The following CPLANE1 variants were observed in gnomAD, a reference collection of about 807,000 sequenced individuals.
The protein encoded by CPLANE1 is ciliogenesis and planar polarity effector 1.
Under a neutral mutation model 362.5 loss-of-function variants are expected in CPLANE1, and 263 were observed. The ratio of observed to expected loss-of-function variants is 0.73; its 90% CI spans 0.66 to 0.80. The LOEUF is 0.80. CPLANE1 is among the 30% of genes least tolerant of loss of function. The pLI, the probability that CPLANE1 is intolerant of heterozygous loss-of-function variation, is 0.00. For missense variants in CPLANE1, 3,461 were observed against 3,793.4 expected (o/e 0.91, Z 2.30); for synonymous variants, 1,212 against 1,302.6 (o/e 0.93, Z 1.50).
At chr5:37,240,539 G>A (rs1270612375) in intron 6 of CPLANE1, among the ~76,000 whole-genome samples, 2 of 152,020 alleles carry the variant, frequency 1.3e-5, no homozygotes, top group Admixed American at 1.3e-4. Context: ...GGAGATTCCA[G>A]GCTCTTTTAA....
At chr5:37,167,285 G>A (rs1778513663) in intron 34 of CPLANE1, 72 bp from the exon 35 acceptor site, 2 of 1,176,098 alleles carry the variant, frequency 1.7e-6, no homozygotes, top group Non-Finnish European at 2.4e-6. Context: ...ACAAAAGACT[G>A]AGGAAAAATA....
At chr5:37,083,253 C>T in the CPLANE1 span, among the ~76,000 whole-genome samples, 3 of 152,128 alleles carry the variant, frequency 2.0e-5, no homozygotes, top group Non-Finnish European at 4.4e-5. Flanking sequence ...AAGAGAACAC[C>T]CTGCAGGACA....
At chr5:37,200,362 A>T (rs1788793133) in intron 19 of CPLANE1, among the ~76,000 whole-genome samples, 1 of 152,252 alleles carries the variant, frequency 6.6e-6, no homozygotes, top group Admixed American at 6.5e-5. Flanking sequence ...TTATCTGCAC[A>T]GGCTATCCAA....
intron 30 of CPLANE1, among the ~76,000 whole-genome samples, chr5:37,177,419 T>C (rs529903290): frequency 2.6e-5 from 4 of 152,344 alleles, no homozygotes; most frequent in African/African-American, 9.6e-5. Context: ...ATTTTAGATA[T>C]CATTATTTAT....
the CPLANE1 span, among the ~76,000 whole-genome samples, chr5:37,079,833 C>G: frequency 4.4e-4 from 67 of 151,828 alleles, no homozygotes; most frequent in Admixed American, 5.2e-4. Flanking sequence ...TACAGAAAAG[C>G]AAAGCAAGAC....
intron 38 of CPLANE1, among the ~76,000 whole-genome samples, chr5:37,159,173 G>A (rs1341327095): frequency 1.1e-4 from 14 of 130,752 alleles, no homozygotes; most frequent in Admixed American, 9.6e-4. Flanking sequence ...CTGCAGTGGC[G>A]CAATCTCGGC....
At chr5:37,235,328 T>G (rs967491027) in intron 8 of CPLANE1, among the ~76,000 whole-genome samples, 1 of 152,016 alleles carries the variant, frequency 6.6e-6, no homozygotes, top group South Asian at 2.1e-4. Flanking sequence ...ATTATAATTA[T>G]AAAACGCTGA....
At chr5:37,108,493 G>A (rs770927793) in intron 51 of CPLANE1, 22 bp from the exon 52 acceptor site, 2 of 1,591,720 alleles carry the variant, frequency 1.3e-6, no homozygotes, top group South Asian at 1.1e-5. Context: ...TAAGAACAAA[G>A]CACACATTGG....
chr5:37,212,125 GGAT>G, intron 16 of CPLANE1: 1 of 979,954 alleles, frequency 1.0e-6, no homozygotes, highest in Non-Finnish European at 1.7e-6. Context: ...CAGGAAAGGA[GGAT>G]GACTGAAGAA....
At chr5:37,102,274 A>G (rs190144275), downstream of CPLANE1, among the ~76,000 whole-genome samples, 9 of 152,040 alleles carry the variant, frequency 5.9e-5, no homozygotes, top group African/African-American at 2.2e-4. Context: ...TGCACCCTCC[A>G]TCTCGCAGGT....
chr5:37,133,287 GT>G (rs963225643), intron 46 of CPLANE1, among the ~76,000 whole-genome samples: 30 of 151,400 alleles, frequency 2.0e-4, no homozygotes, highest in African/African-American at 6.6e-4. Context: ...TTTTAGAATA[GT>G]TTTTTTTTCT....
chr5:37,120,206 TAA>T lies in CPLANE1; in HGVS notation c.9310+8_9310+9del. The T allele has an allele frequency of 6.3e-7, 1 of 1,593,944 alleles. No individual in the cohort carries two copies. The highest frequency in any genetic ancestry group is 1.2e-5 in the South Asian group (1 of 86,122). On this transcript the variant is annotated splice_region_variant and intron_variant, in intron 50 of 52. Transcript: ENST00000651892. ...AATCAGACAATTTATAAAAAAGCTT[TAA>T]GTCTTACCATGTGGCCAAGGTGAGC...
the CPLANE1 span, among the ~76,000 whole-genome samples, chr5:37,087,748 A>C: frequency 6.6e-6 from 1 of 152,168 alleles, no homozygotes. Flanking sequence ...GAGCCACCGC[A>C]CCTGGCCACA....
intron 18 of CPLANE1, among the ~76,000 whole-genome samples, chr5:37,204,819 G>A (rs1329385901): frequency 1.3e-5 from 2 of 151,646 alleles, no homozygotes; most frequent in African/African-American, 4.8e-5. Context: ...ATTGTAAGCT[G>A]GCATCAATTT....
chr5:37,183,672 T>C lies in CPLANE1; in HGVS notation c.4509A>G (p.Thr1503=), dbSNP rs1280940137. ...TTTTATCAGTTGGCTTATGAATTGA[T>C]GTTAATTCCATGTGATTTGGGGCAT... ...QRNAPNHMEL[T]SIHKPTDKRK... is the part of the protein sequence containing the mutation. Residue 1503 remains threonine (T), a synonymous_variant, in exon 26 of 53, where the codon ACA becomes ACG. Transcript: ENST00000651892. 1.3e-6 allele frequency: 2 copies of C among 1,590,254 alleles called. No homozygotes were observed. Among genetic ancestry groups the C allele is most frequent in the East Asian group, 2.2e-5 (1 of 44,640 alleles).
At chr5:37,141,964 GCTAC>G in intron 44 of CPLANE1, 2 of 534,112 alleles carry the variant, frequency 3.7e-6, no homozygotes, top group Non-Finnish European at 2.4e-6. Context: ...AGAAATGATG[GCTAC>G]TATTTTGTTT....
chr5:37,178,609 A>G (rs1444858978), intron 29 of CPLANE1, among the ~76,000 whole-genome samples: 2 of 151,018 alleles, frequency 1.3e-5, no homozygotes, highest in Non-Finnish European at 2.9e-5. Context: ...CAAGACCCTC[A>G]TCTCGAAAAA....
chr5:37,137,697 G>C (rs1457008719), intron 46 of CPLANE1, among the ~76,000 whole-genome samples: 1 of 152,214 alleles, frequency 6.6e-6, no homozygotes, highest in Non-Finnish European at 1.5e-5. Context: ...TGGCGGGAAG[G>C]AGAAGAATGA....
intron 32 of CPLANE1, 143 bp from the exon 33 acceptor site, chr5:37,170,474 G>T: frequency 2.3e-6 from 2 of 871,124 alleles, no homozygotes; most frequent in South Asian, 2.2e-5. Context: ...GCAGGAGGCA[G>T]TCAGGGAAAT....
Sources: gnomAD v4.1 joint callset for allele counts (sites outside exome capture counted in the v4.1 genomes callset) on GRCh38, gnomAD v4.1.1 for gene constraint, MANE v1.5 for transcripts, NCBI Gene and HGNC (gene_info 2026-07-23, HGNC 2026-07-21) for gene names.